The following OR4A5 variants were observed in gnomAD, a reference collection of about 807,000 sequenced individuals.
OR4A5 encodes the protein olfactory receptor 4A5.
For missense variants in OR4A5, 684 were observed against 381.6 expected (o/e 1.79, Z -6.60); for synonymous variants, 245 against 138.5 (o/e 1.77, Z -5.40).
At position 54,707,861 on chromosome 11, in the gene OR4A5, C is replaced by T. The variant is rs1294211715; in HGVS notation, c.*29C>T. 3.7e-6 allele frequency: 4 copies of T among 1,081,154 alleles called. No individual in the cohort carries two copies. Among genetic ancestry groups the T allele is most frequent in the Non-Finnish European group, 5.3e-6 (4 of 758,552 alleles). The allele number at this position is 1,081,154 out of a possible 1,614,324, so 67.0% of individuals were successfully genotyped here. On this transcript the variant is annotated 3_prime_UTR_variant, in exon 1 of 1. Transcript: ENST00000319760. ...AGGAGGTATGTAGTCAAGGTCTTCC[C>T]AGTGAAGTTTTCAGGTTTCTAAGGG...
In OR4A5 at chr11:54,707,402, A is replaced by T; in HGVS notation, c.518A>T (p.His173Leu). ...LPFCGPNVIV[H>L]FSCDMHPLLE... ...TTCTGTGGTCCCAATGTCATTGTTCATTTCAGTTGTGACATGCACCCATTA... is the reference window on the plus strand; with the variant it reads ...TTCTGTGGTCCCAATGTCATTGTTCTTTTCAGTTGTGACATGCACCCATTA... The change falls in exon 1 of 1, where the codon CAT (histidine) becomes CTT (leucine). Residue 173 changes from histidine (H) to leucine (L), a missense_variant. By Grantham distance (99) the His-to-Leu change is moderately conservative (BLOSUM62 -3). Coordinates refer to ENST00000319760, the MANE Select transcript of OR4A5 (RefSeq NM_001005272.3). 6.2e-7 allele frequency: 1 copy of T among 1,613,454 alleles called. No individual in the cohort carries two copies.
chr11:54,706,834 G>T lies in OR4A5; in HGVS notation c.-51G>T, dbSNP rs113366921. On this transcript the variant is annotated 5_prime_UTR_variant, in exon 1 of 1. Transcript: ENST00000319760. ...ATTCCTGATCACTATTTCGTTACAG[G>T]CCCTGTTTCCCTGAGCTCTCACCTC... is the stretch of plus-strand genomic sequence containing the variant. 1.7e-6 allele frequency: 2 copies of T among 1,144,820 alleles called. No homozygotes were observed. Among genetic ancestry groups the T allele is most frequent in the Non-Finnish European group, 2.5e-6 (2 of 801,510 alleles). 70.9% of individuals were successfully genotyped at this position (1,144,820 alleles called of 1,614,324 possible).
rs1440717017 is a variant in OR4A5, at chr11:54,706,964, T to C, written c.80T>C (p.Val27Ala). ...CCTGGTGTGCAAAAAGCATTATTTG[T>C]CATGTTTTTACTCACATACTTGGTG... Reference protein sequence around the residue: ...QDPGVQKALFVMFLLTYLVTV... With the variant: ...QDPGVQKALFAMFLLTYLVTV... The change falls in exon 1 of 1, where the codon GTC becomes GCC. Residue 27 changes from valine (V) to alanine (A), a missense_variant. By Grantham distance (64) the Val-to-Ala change is moderately conservative (BLOSUM62 0). Coordinates refer to ENST00000319760, the MANE Select transcript of OR4A5 (RefSeq NM_001005272.3). 2 of 1,613,218 alleles carry C rather than the reference T, an allele frequency of 1.2e-6. No homozygotes were observed. Among genetic ancestry groups the C allele is most frequent in the Admixed American group, 1.7e-5 (1 of 59,870 alleles).
rs1159130419 is a variant in OR4A5, at chr11:54,707,790, G to T, written c.906G>T (p.Lys302Asn). 7 of 1,564,694 alleles carry T rather than the reference G, an allele frequency of 4.5e-6. No homozygotes were observed. Among genetic ancestry groups the T allele is most frequent in the African/African-American group, 4.1e-5 (3 of 73,114 alleles). Residue 302 changes from lysine (K) to asparagine (N), a missense_variant, in exon 1 of 1, where the codon AAG becomes AAT. Physicochemically the swap from Lys to Asn is moderately conservative, Grantham distance 94. Coordinates refer to ENST00000319760, the MANE Select transcript of OR4A5 (RefSeq NM_001005272.3). ...CTATAGAAAAACTCTTGGGTAAAAAGTTAACTATATTTATTATAGGAGGAG... is the reference window on the plus strand; with the variant it reads ...CTATAGAAAAACTCTTGGGTAAAAATTTAACTATATTTATTATAGGAGGAG... ...RNAIEKLLGK[K>N]LTIFIIGGVS... is the part of the protein sequence containing the mutation.
In OR4A5 at chr11:54,707,068, G is replaced by A; in HGVS notation, c.184G>A (p.Ala62Thr). The A allele has an allele frequency of 6.2e-7, 1 of 1,613,560 alleles. No individual in the cohort carries two copies. Among genetic ancestry groups the A allele is most frequent in the Non-Finnish European group, 8.5e-7 (1 of 1,179,810 alleles). Reference protein sequence around the residue: ...SLGSPMYFFLACLSFIDAAYS... With the variant: ...SLGSPMYFFLTCLSFIDAAYS... ...GGGTTCCCCAATGTATTTCTTCCTT[G>A]CCTGCCTGTCATTTATAGATGCTGC... Residue 62 changes from alanine to threonine, a missense_variant, in exon 1 of 1, where the codon GCC becomes ACC. Coordinates refer to ENST00000319760, the MANE Select transcript of OR4A5 (RefSeq NM_001005272.3).
chr11:54,707,738 C>G lies in OR4A5; in HGVS notation c.854C>G (p.Thr285Arg), dbSNP rs78432725. The G allele has an allele frequency of 1.8e-4, 293 of 1,595,028 alleles. 1 individual carries two copies. In the African/African-American group the frequency reaches 3.3e-3, roughly 18 times the overall value. Residue 285 changes from threonine (T) to arginine (R), a missense_variant, in exon 1 of 1, where the codon ACG becomes AGG. By Grantham distance (71) the Thr-to-Arg change is moderately conservative. Coordinates refer to ENST00000319760, the MANE Select transcript of OR4A5 (RefSeq NM_001005272.3). ...CACATGCTGAGTCCTTTAATATATA[C>G]GTTGAGAAATTCAGAGATGAGAAAT... ...ITHMLSPLIY[T>R]LRNSEMRNAI... is the part of the protein sequence containing the mutation.
Position 54,707,729 on chromosome 11 carries a change from T to G in OR4A5, c.845T>G (p.Leu282Ter). The change falls in exon 1 of 1, where the codon TTA (leucine) becomes TGA (stop). Residue 282 changes from leucine (L) to a stop codon, truncating the protein, a stop_gained. Transcript: ENST00000319760. LOFTEE classifies it low-confidence loss of function (END_TRUNC). ...YTIITHMLSP[L>*]IYTLRNSEMR... ...ATTATCACACACATGCTGAGTCCTT[T>G]AATATATACGTTGAGAAATTCAGAG... The G allele has an allele frequency of 3.8e-6, 6 of 1,598,908 alleles. No individual in the cohort carries two copies. Among genetic ancestry groups the G allele is most frequent in the Non-Finnish European group, 5.1e-6 (6 of 1,167,758 alleles).
In OR4A5 at chr11:54,707,266, C is replaced by A. The variant is rs565180649; in HGVS notation, c.382C>A (p.Leu128Met). ...CDRYVAICKPLHYLTIMNRQV... is the reference protein window; with the variant it reads ...CDRYVAICKPMHYLTIMNRQV... The stretch of plus-strand genomic sequence containing the variant: ...TCGCTATGTGGCCATCTGTAAGCCA[C>A]TGCACTATTTGACCATCATGAATCG... The change falls in exon 1 of 1, where the codon CTG becomes ATG. Residue 128 changes from leucine to methionine, a missense_variant. Physicochemically the swap from Leu to Met is conservative, Grantham distance 15. Transcript: ENST00000319760. The A allele has an allele frequency of 6.2e-7, 1 of 1,613,736 alleles. No homozygotes were observed. The highest frequency in any genetic ancestry group is 8.5e-7 in the Non-Finnish European group (1 of 1,179,888).
rs760175747 is a variant in OR4A5 at position 54,707,341 on chromosome 11, C to T, written c.457C>T (p.His153Tyr). The change falls in exon 1 of 1, where the codon CAT becomes TAT. Residue 153 changes from histidine to tyrosine, a missense_variant. Transcript: ENST00000319760. ...LVVAMIGGFVHSAFQIVVYSL... is the reference protein window; with the variant it reads ...LVVAMIGGFVYSAFQIVVYSL... Reference sequence around the variant, plus strand: ...GGTGGCCATGATTGGAGGTTTTGTACATTCTGCGTTTCAAATTGTTGTGTA... The same window carrying T: ...GGTGGCCATGATTGGAGGTTTTGTATATTCTGCGTTTCAAATTGTTGTGTA... 9 of 1,613,702 alleles carry T rather than the reference C, an allele frequency of 5.6e-6. No homozygotes were observed. The highest frequency in any genetic ancestry group is 7.6e-6 in the Non-Finnish European group (9 of 1,179,890).
Position 54,707,199 on chromosome 11 carries a change from T to C in OR4A5, c.315T>C (p.Phe105=). The part of the protein sequence containing the change: ...CMGQLFIDHF[F]GGAEVFLLVV... Reference sequence around the variant, plus strand: ...GCCAGCTATTTATAGACCATTTCTTTGGTGGGGCTGAGGTCTTCCTTCTGG... The same window carrying C: ...GCCAGCTATTTATAGACCATTTCTTCGGTGGGGCTGAGGTCTTCCTTCTGG... Residue 105 remains phenylalanine (F), a synonymous_variant, in exon 1 of 1, where the codon TTT becomes TTC. Transcript: ENST00000319760. 6.2e-7 allele frequency: 1 copy of C among 1,613,786 alleles called. No homozygotes were observed. Among genetic ancestry groups the C allele is most frequent in the Non-Finnish European group, 8.5e-7 (1 of 1,179,882 alleles).
In OR4A5 at chr11:54,707,198, T is replaced by C. The variant is rs1365708581; in HGVS notation, c.314T>C (p.Phe105Ser). 1 of 1,613,660 alleles carries C rather than the reference T, an allele frequency of 6.2e-7. No homozygotes were observed. Among genetic ancestry groups the C allele is most frequent in the Non-Finnish European group, 8.5e-7 (1 of 1,179,892 alleles). ...CMGQLFIDHFFGGAEVFLLVV... is the reference protein window; with the variant it reads ...CMGQLFIDHFSGGAEVFLLVV... The stretch of plus-strand genomic sequence containing the variant: ...GGCCAGCTATTTATAGACCATTTCT[T>C]TGGTGGGGCTGAGGTCTTCCTTCTG... The change falls in exon 1 of 1, where the codon TTT becomes TCT. Residue 105 changes from phenylalanine (F) to serine (S), a missense_variant. Physicochemically the swap from Phe to Ser is radical, Grantham distance 155. Coordinates refer to ENST00000319760, the MANE Select transcript of OR4A5 (RefSeq NM_001005272.3).
rs773149688 is a variant in OR4A5 at position 54,707,016 on chromosome 11, G to A, written c.132G>A (p.Val44=). Residue 44 remains valine, a synonymous_variant, in exon 1 of 1, where the codon GTG becomes GTA. Transcript: ENST00000319760. ...CAGTGGTGGGGAACCTGCTCATTGT[G>A]GTGGATATTATTGCCAGCCCTTCCT... is the stretch of plus-strand genomic sequence containing the variant. ...LVTVVGNLLI[V]VDIIASPSLG... The A allele has an allele frequency of 3.1e-6, 5 of 1,613,538 alleles. No individual in the cohort carries two copies. Among genetic ancestry groups the A allele is most frequent in the South Asian group, 2.2e-5 (2 of 91,068 alleles).
At position 54,706,987 on chromosome 11, in the gene OR4A5, G is replaced by T; in HGVS notation, c.103G>T (p.Val35Leu). Residue 35 changes from valine (V) to leucine (L), a missense_variant, in exon 1 of 1, where the codon GTG becomes TTG. Coordinates refer to ENST00000319760, the MANE Select transcript of OR4A5 (RefSeq NM_001005272.3). ...LFVMFLLTYL[V>L]TVVGNLLIVV... ...TGTCATGTTTTTACTCACATACTTG[G>T]TGACAGTGGTGGGGAACCTGCTCAT... The T allele has an allele frequency of 2.5e-6, 4 of 1,613,396 alleles. No individual in the cohort carries two copies. The highest frequency in any genetic ancestry group is 3.4e-6 in the Non-Finnish European group (4 of 1,179,750).
chr11:54,707,349 G>T lies in OR4A5; in HGVS notation c.465G>T (p.Ala155=). 1.2e-6 allele frequency: 2 copies of T among 1,613,620 alleles called. No homozygotes were observed. The highest frequency in any genetic ancestry group is 1.1e-5 in the South Asian group (1 of 91,080). The change falls in exon 1 of 1, where the codon GCG becomes GCT. Residue 155 remains alanine, a synonymous_variant. Transcript: ENST00000319760. The part of the protein sequence containing the change: ...VAMIGGFVHS[A]FQIVVYSLPF... ...TGATTGGAGGTTTTGTACATTCTGC[G>T]TTTCAAATTGTTGTGTACAGTCTCC...
At position 54,707,529 on chromosome 11, in the gene OR4A5, T is replaced by C; in HGVS notation, c.645T>C (p.Tyr215=). 1 of 1,613,730 alleles carries C rather than the reference T, an allele frequency of 6.2e-7. No individual in the cohort carries two copies. Among genetic ancestry groups the C allele is most frequent in the Non-Finnish European group, 8.5e-7 (1 of 1,179,860 alleles). ...TTTTCAACCTTCTGTTAATCTCCTATGGAGTCATCCTAAGCTCCCTTAAAA... is the reference window on the plus strand; with the variant it reads ...TTTTCAACCTTCTGTTAATCTCCTACGGAGTCATCCTAAGCTCCCTTAAAA... ...MVIFNLLLIS[Y]GVILSSLKTY... is the part of the protein sequence containing the mutation. Residue 215 remains tyrosine, a synonymous_variant, in exon 1 of 1, where the codon TAT becomes TAC. Coordinates refer to ENST00000319760, the MANE Select transcript of OR4A5 (RefSeq NM_001005272.3).
In OR4A5 at chr11:54,707,856, C is replaced by T. The variant is rs113879457; in HGVS notation, c.*24C>T. 76 of 1,124,300 alleles carry T rather than the reference C, an allele frequency of 6.8e-5. No homozygotes were observed. In the Middle Eastern group the frequency reaches 1.1e-3, roughly 16 times the overall value. The allele number at this position is 1,124,300 out of a possible 1,614,324, so 69.6% of individuals were successfully genotyped here. On this transcript the variant is annotated 3_prime_UTR_variant, in exon 1 of 1. Transcript: ENST00000319760. Reference sequence around the variant, plus strand: ...AGGTAAGGAGGTATGTAGTCAAGGTCTTCCCAGTGAAGTTTTCAGGTTTCT... The same window carrying T: ...AGGTAAGGAGGTATGTAGTCAAGGTTTTCCCAGTGAAGTTTTCAGGTTTCT...
rs910410365 is a variant in OR4A5, at chr11:54,707,313, G to T, written c.429G>T (p.Leu143Phe). The T allele has an allele frequency of 5.0e-6, 8 of 1,613,628 alleles. No individual in the cohort carries two copies. Among genetic ancestry groups the T allele is most frequent in the African/African-American group, 2.7e-5 (2 of 74,902 alleles). The change falls in exon 1 of 1, where the codon TTG becomes TTT. Residue 143 changes from leucine to phenylalanine, a missense_variant. Physicochemically the swap from Leu to Phe is conservative, Grantham distance 22. Coordinates refer to ENST00000319760, the MANE Select transcript of OR4A5 (RefSeq NM_001005272.3). The stretch of plus-strand genomic sequence containing the variant: ...ATCGACAGGTTTGCTTCCTTCTGTT[G>T]GTGGTGGCCATGATTGGAGGTTTTG... ...IMNRQVCFLLLVVAMIGGFVH... is the reference protein window; with the variant it reads ...IMNRQVCFLLFVVAMIGGFVH...
chr11:54,707,278 A>G lies in OR4A5; in HGVS notation c.394A>G (p.Thr132Ala). Reference protein sequence around the residue: ...VAICKPLHYLTIMNRQVCFLL... With the variant: ...VAICKPLHYLAIMNRQVCFLL... ...CATCTGTAAGCCACTGCACTATTTG[A>G]CCATCATGAATCGACAGGTTTGCTT... The change falls in exon 1 of 1, where the codon ACC (threonine) becomes GCC (alanine). Residue 132 changes from threonine to alanine, a missense_variant. Transcript: ENST00000319760. 6.2e-7 allele frequency: 1 copy of G among 1,613,550 alleles called. No individual in the cohort carries two copies. The highest frequency in any genetic ancestry group is 8.5e-7 in the Non-Finnish European group (1 of 1,179,846).
chr11:54,706,907 C>A lies in OR4A5; in HGVS notation c.23C>A (p.Thr8Lys). Residue 8 changes from threonine (T) to lysine (K), a missense_variant, in exon 1 of 1, where the codon ACA becomes AAA. Thr to Lys is a moderately conservative substitution (Grantham distance 78, BLOSUM62 -1). Coordinates refer to ENST00000319760, the MANE Select transcript of OR4A5 (RefSeq NM_001005272.3). MRQNNNI[T>K]EFVLLGFSQD... ...TAAATGAGACAGAATAACAATATTACAGAATTTGTCCTCCTGGGCTTTTCT... is the reference window on the plus strand; with the variant it reads ...TAAATGAGACAGAATAACAATATTAAAGAATTTGTCCTCCTGGGCTTTTCT... 2 of 1,609,244 alleles carry A rather than the reference C, an allele frequency of 1.2e-6. No homozygotes were observed. The highest frequency in any genetic ancestry group is 1.7e-6 in the Non-Finnish European group (2 of 1,177,408).
Sources: allele counts gnomAD v4.1 joint callset, GRCh38; gene constraint gnomAD v4.1.1; transcripts MANE v1.5; gene names NCBI Gene and HGNC (gene_info 2026-07-23, HGNC 2026-07-21).